The following ECT2L variants were observed in gnomAD, a reference collection of about 807,000 sequenced individuals.
ECT2L encodes epithelial cell transforming 2 like.
In ECT2L, 126 loss-of-function variants were observed where a neutral mutation model predicts 122.8. The observed-to-expected ratio is 1.03, with a 90% confidence interval of 0.89 to 1.19. The LOEUF is 1.19. Among genes scored for constraint, ECT2L ranks in the 50% most tolerant of loss-of-function variants. ECT2L has a pLI of 0.00. For missense variants in ECT2L, 1,012 were observed against 1,064.1 expected (o/e 0.95, Z 0.68); for synonymous variants, 385 against 381.8 (o/e 1.01, Z -0.10).
chr6:138,831,974 TG>T (rs1214882481), intron 4 of ECT2L, among the ~76,000 whole-genome samples: 1 of 152,210 alleles, frequency 6.6e-6, no homozygotes, highest in Non-Finnish European at 1.5e-5. Context: ...CTTTGTATGC[TG>T]CATGAAACTC....
intron 20 of ECT2L, among the ~76,000 whole-genome samples, chr6:138,893,570 G>A (rs1005705494): frequency 3.3e-5 from 5 of 151,894 alleles, no homozygotes; most frequent in South Asian, 2.1e-4. Flanking sequence ...ACAGGTGCAC[G>A]CTGTTACTGC....
At chr6:138,868,608 G>T (rs553972252) in intron 13 of ECT2L, among the ~76,000 whole-genome samples, 1 of 152,032 alleles carries the variant, frequency 6.6e-6, no homozygotes, top group African/African-American at 2.4e-5. Context: ...AAAAGATGAC[G>T]GGAAAAGGGG....
intron 13 of ECT2L, among the ~76,000 whole-genome samples, chr6:138,868,824 A>C (rs1430514438): frequency 6.6e-6 from 1 of 152,242 alleles, no homozygotes; most frequent in African/African-American, 2.4e-5. Context: ...AGGAGAGGCC[A>C]GTCTCCAGAC....
rs1209843239 is a variant in ECT2L at position 138,812,868 on chromosome 6, GA to G, written c.-211del. ...GAAAAAGTCAACCTCCTTGGCTGAT[GA>G]ATCACGGCAGTTTCTAAGTAGCATT... On this transcript the variant is annotated 5_prime_UTR_variant, in exon 2 of 22. It removes the in-frame stop codon of an upstream open reading frame in the 5' UTR. Transcript: ENST00000541398. 1 of 158,830 alleles carries G rather than the reference GA, an allele frequency of 6.3e-6. No individual in the cohort carries two copies. The highest frequency in any genetic ancestry group is 2.4e-5 in the African/African-American group (1 of 41,684). The allele number at this position is 158,830 out of a possible 1,614,324, so 9.8% of individuals were successfully genotyped here.
At chr6:138,814,709 A>C (rs1776012696) in intron 4 of ECT2L, 106 bp downstream of exon 4, 4 of 675,756 alleles carry the variant, frequency 5.9e-6, no homozygotes, top group East Asian at 2.8e-5. Context: ...AGAAAAAAAA[A>C]CAAGGTAATT....
chr6:138,865,635 G>A (rs1028979004), intron 12 of ECT2L, among the ~76,000 whole-genome samples: 2 of 152,262 alleles, frequency 1.3e-5, no homozygotes, highest in South Asian at 4.1e-4. Flanking sequence ...CCTATTAGAC[G>A]TGGTTGAATG....
intron 20 of ECT2L, among the ~76,000 whole-genome samples, chr6:138,890,537 A>G (rs1778988598): frequency 1.6e-5 from 2 of 127,344 alleles, no homozygotes; most frequent in Admixed American, 1.7e-4. Context: ...TAGCAATAGA[A>G]AACAGCTACA....
rs1309071322 is a variant in ECT2L at position 138,843,380 on chromosome 6, T to C, written c.595+149T>C. 19 of 746,278 alleles carry C rather than the reference T, an allele frequency of 2.5e-5. No individual in the cohort carries two copies. In the Admixed American group the frequency reaches 6.1e-4, roughly 24 times the overall value. The allele number at this position is 746,278 out of a possible 1,614,324, so 46.2% of individuals were successfully genotyped here. ...TTTCCAGATGAGCTTTTTTCCGTAC[T>C]GTATATTTCAAGTTAATTGATGAGA... On this transcript the variant is annotated intron_variant, in intron 6 of 21. Transcript: ENST00000541398.
chr6:138,821,325 T>A (rs1426075936), intron 4 of ECT2L, among the ~76,000 whole-genome samples: 1 of 152,266 alleles, frequency 6.6e-6, no homozygotes, highest in African/African-American at 2.4e-5. Context: ...TGGGTCTTCC[T>A]GCAGCTGAAG....
chr6:138,796,640 TCTA>T (rs1228665557), intron 1 of ECT2L, among the ~76,000 whole-genome samples: 2 of 152,092 alleles, frequency 1.3e-5, no homozygotes, highest in African/African-American at 4.8e-5. Flanking sequence ...ATACAAAAAA[TCTA>T]CTGTGAATAT....
chr6:138,851,318 G>A (rs1390346326), intron 9 of ECT2L, among the ~76,000 whole-genome samples: 2 of 151,854 alleles, frequency 1.3e-5, no homozygotes, highest in Admixed American at 6.6e-5. Context: ...TGTGTCCTAA[G>A]TAGCTGATGC....
At chr6:138,878,195 G>T (rs565688769) in intron 14 of ECT2L, among the ~76,000 whole-genome samples, 1 of 151,778 alleles carries the variant, frequency 6.6e-6, no homozygotes, top group Non-Finnish European at 1.5e-5. Flanking sequence ...ACATATAAGA[G>T]GTATGTACGA....
At chr6:138,852,483 G>C (rs1777483501) in intron 9 of ECT2L, among the ~76,000 whole-genome samples, 1 of 152,094 alleles carries the variant, frequency 6.6e-6, no homozygotes, top group Admixed American at 6.6e-5. Context: ...ATTATTGTGG[G>C]ATGAGGGGAG....
At chr6:138,870,212 T>C (rs1778202113) in intron 13 of ECT2L, 1 of 152,674 alleles carries the variant, frequency 6.5e-6, no homozygotes, top group South Asian at 2.1e-4. Context: ...CTGGAATTTT[T>C]GTCGTATTTT....
At chr6:138,896,091 A>AGTTTTTTTTTTT (rs1255944186) in intron 20 of ECT2L, among the ~76,000 whole-genome samples, 4 of 141,884 alleles carry the variant, frequency 2.8e-5, no homozygotes, top group African/African-American at 1.1e-4. Flanking sequence ...TTCATTGCTG[A>AGTTTTTTTTTTT]ATTTTTTTTT....
At chr6:138,802,621 T>TG in intron 1 of ECT2L, among the ~76,000 whole-genome samples, 1 of 152,330 alleles carries the variant, frequency 6.6e-6, no homozygotes, top group South Asian at 2.1e-4. Flanking sequence ...TCCTGTTTTC[T>TG]GGGGAAATAC....
chr6:138,854,129 C>A lies in ECT2L; in HGVS notation c.1173C>A (p.Asp391Glu), dbSNP rs762274234. The A allele has an allele frequency of 6.2e-7, 1 of 1,614,066 alleles. No homozygotes were observed. The highest frequency in any genetic ancestry group is 1.7e-5 in the Admixed American group (1 of 59,992). The change falls in exon 10 of 22, where the codon GAC (aspartate) becomes GAA (glutamate). Residue 391 changes from aspartate (D) to glutamate (E), a missense_variant. By Grantham distance (45) the Asp-to-Glu change is conservative. Coordinates refer to ENST00000541398, the MANE Select transcript of ECT2L (RefSeq NM_001077706.3). The part of the protein sequence containing the change: ...VATEEEGGHV[D>E]FFVPLGASEA... ...CTGAAGAAGAAGGGGGTCACGTGGA[C>A]TTCTTCGTGCCCCTTGGAGCATCAG...
Position 138,885,596 on chromosome 6 carries a change from A to G in ECT2L, c.2102+17A>G, listed in dbSNP as rs752930571. 7 of 1,614,152 alleles carry G rather than the reference A, an allele frequency of 4.3e-6. No individual in the cohort carries two copies. In the Admixed American group the frequency reaches 1.0e-4, roughly 23 times the overall value. ...AATGCTGAGGTACGTTCTGAGGGAG[A>G]GCACAGCAGGGGTCCCCCCAGAGAG... On this transcript the variant is annotated intron_variant, in intron 17 of 21. Transcript: ENST00000541398.
At chr6:138,797,230 TTG>T (rs1026500473) in intron 1 of ECT2L, among the ~76,000 whole-genome samples, 3 of 152,174 alleles carry the variant, frequency 2.0e-5, no homozygotes, top group African/African-American at 7.2e-5. Flanking sequence ...TCAACTGGAA[TTG>T]TCTTTCATTT....
Sources: gnomAD v4.1 joint callset for allele counts (sites outside exome capture counted in the v4.1 genomes callset) on GRCh38, gnomAD v4.1.1 for gene constraint, MANE v1.5 for transcripts, NCBI Gene and HGNC (gene_info 2026-07-23, HGNC 2026-07-21) for gene names.